Variants in ZBTB21 observed in about 807,000 individuals in gnomAD.
ZBTB21 encodes the protein zinc finger and BTB domain containing 21.
A neutral mutation model predicts 39.8 loss-of-function variants in ZBTB21; 10 were observed. That is an observed-to-expected ratio of 0.25 (90% confidence interval 0.16 to 0.43). ZBTB21 has a LOEUF of 0.43. Ranked by LOEUF, ZBTB21 falls within the 20% of genes least tolerant of loss-of-function variation. The pLI is 1.00. For missense variants in ZBTB21, 1,221 were observed against 1,296.3 expected, an observed-to-expected ratio of 0.94 and a Z score of 0.89; for synonymous variants, 551 against 498.8, an observed-to-expected ratio of 1.10 and a Z score of -1.40.
rs774777147 is a variant in ZBTB21 at position 41,988,589 on chromosome 21, T to C, written c.*2306A>G. On this transcript the variant is annotated 3_prime_UTR_variant, in exon 3 of 3. Transcript: ENST00000310826. ...ATAAACTCTTTCAGCCTAATGCTTT[T>C]AAAGTACAGTATAAAAAGTAATAGA... The C allele has an allele frequency of 6.6e-6, 1 of 152,188 alleles. No individual in the cohort carries two copies. Among genetic ancestry groups the C allele is most frequent in the African/African-American group, 2.4e-5 (1 of 41,450 alleles). The allele number at this position is 152,188 out of a possible 1,614,324, so 9.4% of individuals were successfully genotyped here. A position where few individuals can be genotyped will look rare whatever the true frequency, so the allele number is the denominator to read the frequency against.
At position 41,992,969 on chromosome 21, in the gene ZBTB21, A is replaced by C; in HGVS notation, c.1127T>G (p.Val376Gly). ...SSVSSDAPGNVLCALSQKSSL... is the reference protein window; with the variant it reads ...SSVSSDAPGNGLCALSQKSSL... ...TGACTTCTGAGATAAAGCACACAAC[A>C]CATTCCCTGGTGCATCACTGGACAC... Residue 376 changes from valine (V) to glycine (G), a missense_variant, in exon 3 of 3, where the codon GTG becomes GGG. Val to Gly is a moderately radical substitution (Grantham distance 109, BLOSUM62 -3). Transcript: ENST00000310826. This position sits in a 1 kb window ranked among gnomAD's most constrained non-coding sequence, Gnocchi z 4.1. The C allele has an allele frequency of 6.2e-7, 1 of 1,614,226 alleles. No individual in the cohort carries two copies. Among genetic ancestry groups the C allele is most frequent in the African/African-American group, 1.3e-5 (1 of 75,058 alleles).
intron 1 of ZBTB21, among the ~76,000 whole-genome samples, chr21:42,008,540 C>CAAAAAAAAAAAAAAAAAAAAAAAAAAA (rs68176203): frequency 1.7e-5 from 1 of 60,372 alleles, no homozygotes. Context: ...GAAACTCTGT[C>CAAAAAAAAAAAAAAAAAAAAAAAAAAA]AAAAAAAAAA....
chr21:42,005,342 T>G lies in ZBTB21; in HGVS notation c.-78-2381A>C, dbSNP rs139064508. ...ACCAAAGCCAAACCAATCAGAAACT[T>G]TGTCCTCGGAATATGAATCCTGAGA... On this transcript the variant is annotated intron_variant, in intron 1 of 2. Coordinates refer to ENST00000310826, the MANE Select transcript of ZBTB21 (RefSeq NM_001098402.2). 5.9e-5 allele frequency among the ~76,000 whole-genome samples: 9 copies of G among 152,306 alleles called. No homozygotes were observed. The East Asian group carries it at 1.7e-3, about 29-fold the overall frequency.
Position 41,992,625 on chromosome 21 carries a change from T to C in ZBTB21, c.1471A>G (p.Arg491Gly). 6.2e-7 allele frequency: 1 copy of C among 1,614,186 alleles called. No individual in the cohort carries two copies. The change falls in exon 3 of 3, where the codon AGA becomes GGA. Residue 491 changes from arginine to glycine, a missense_variant. Transcript: ENST00000310826. This position sits in a 1 kb window ranked among gnomAD's most constrained non-coding sequence, Gnocchi z 4.1. ...PAKRRFQADRRLPFKKLKVNE... is the reference protein window; with the variant it reads ...PAKRRFQADRGLPFKKLKVNE... ...ACCTTTAACTTCTTAAACGGCAATC[T>C]TCGGTCCGCTTGGAACCTCCTTTTT...
At position 41,991,819 on chromosome 21, in the gene ZBTB21, C is replaced by A. The variant is rs746565908; in HGVS notation, c.2277G>T (p.Ser759=). Residue 759 remains serine, a synonymous_variant, in exon 3 of 3, where the codon TCG becomes TCT. Transcript: ENST00000310826. This position sits in a 1 kb window ranked among gnomAD's most constrained non-coding sequence, Gnocchi z 4.9. ...VCPYCSLRFF[S]PELKQEHESK... ...TCTCGTGTTCTTGCTTCAGCTCGGGCGAGAAAAACCTGAGGCTGCAGTAAG... is the reference window on the plus strand; with the variant it reads ...TCTCGTGTTCTTGCTTCAGCTCGGGAGAGAAAAACCTGAGGCTGCAGTAAG... 3 of 1,614,172 alleles carry A rather than the reference C, an allele frequency of 1.9e-6. No homozygotes were observed. The highest frequency in any genetic ancestry group is 2.5e-6 in the Non-Finnish European group (3 of 1,180,048).
At position 41,993,692 on chromosome 21, in the gene ZBTB21, A is replaced by C; in HGVS notation, c.404T>G (p.Val135Gly). 1 of 1,614,026 alleles carries C rather than the reference A, an allele frequency of 6.2e-7. No homozygotes were observed. The highest frequency in any genetic ancestry group is 1.1e-5 in the South Asian group (1 of 91,044). ...ACTGTTTTCATCATCTTCTACAAAC[A>C]CTTTTTTTCTATTAGGACACGTTGG... ...PFPTCPNRKK[V>G]FVEDDENSSQ... is the part of the protein sequence containing the mutation. Residue 135 changes from valine (V) to glycine (G), a missense_variant, in exon 3 of 3, where the codon GTG becomes GGG. Physicochemically the swap from Val to Gly is moderately radical, Grantham distance 109. This residue lies in a region of ZBTB21 where 500 missense variants were observed against 465.6 expected (regional missense o/e 1.07). Coordinates refer to ENST00000310826, the MANE Select transcript of ZBTB21 (RefSeq NM_001098402.2).
rs147318145 is a variant in ZBTB21, at chr21:41,993,049, C to T, written c.1047G>A (p.Gln349=). The T allele has an allele frequency of 0.028, 45,974 of 1,614,212 alleles. 839 individuals are homozygous for T. The highest frequency in any genetic ancestry group is 0.034 in the Non-Finnish European group (40,080 of 1,180,026). The stretch of plus-strand genomic sequence containing the variant: ...CTATGGAAGGTGAATAGACAGGAAC[C>T]TGGCTATCCATCGACAATGACCGTC... ...LLRRSLSMDS[Q]VPVYSPSIDL... The change falls in exon 3 of 3, where the codon CAG becomes CAA. Residue 349 remains glutamine, a synonymous_variant. Coordinates refer to ENST00000310826, the MANE Select transcript of ZBTB21 (RefSeq NM_001098402.2).
rs907348239 is a variant in ZBTB21 at position 41,991,728 on chromosome 21, T to C, written c.2368A>G (p.Ile790Val). Residue 790 changes from isoleucine (I) to valine (V), a missense_variant, in exon 3 of 3, where the codon ATC (isoleucine) becomes GTC (valine). By Grantham distance (29) the Ile-to-Val change is conservative (BLOSUM62 3). Coordinates refer to ENST00000310826, the MANE Select transcript of ZBTB21 (RefSeq NM_001098402.2). This position sits in a 1 kb window ranked among gnomAD's most constrained non-coding sequence, Gnocchi z 4.9. ...TGGACTTCAACCTGGTGCCGCCAGA[T>C]GCTGAAAGAGGACTTGAAGGTGCGC... The part of the protein sequence containing the change: ...CMRTFKSSFS[I>V]WRHQVEVHNQ... 1.9e-6 allele frequency: 3 copies of C among 1,614,120 alleles called. No individual in the cohort carries two copies. Among genetic ancestry groups the C allele is most frequent in the African/African-American group, 1.3e-5 (1 of 74,940 alleles).
At position 41,988,229 on chromosome 21, in the gene ZBTB21, CT is replaced by C. The variant is rs2146264057; in HGVS notation, c.*2665del. On this transcript the variant is annotated 3_prime_UTR_variant, in exon 3 of 3. Transcript: ENST00000310826. Reference sequence around the variant, plus strand: ...CACATAAACGATTCAGTATCAAGTTCTCAGATTAACAAAGAATATATTAAAA... The same window carrying C: ...CACATAAACGATTCAGTATCAAGTTCCAGATTAACAAAGAATATATTAAAA... The C allele has an allele frequency of 6.6e-6, 1 of 152,214 alleles. No homozygotes were observed. Among genetic ancestry groups the C allele is most frequent in the African/African-American group, 2.4e-5 (1 of 41,528 alleles). The allele number at this position is 152,214 out of a possible 1,614,324, so 9.4% of individuals were successfully genotyped here.
At position 42,005,781 on chromosome 21, in the gene ZBTB21, GATTT is replaced by G. The variant is rs961905242; in HGVS notation, c.-78-2824_-78-2821del. Among the ~76,000 whole-genome samples, 95 of 152,302 alleles carry G rather than the reference GATTT, an allele frequency of 6.2e-4. 1 individual carries two copies. Among genetic ancestry groups the G allele is most frequent in the Middle Eastern group, 3.4e-3 (1 of 294 alleles). ...TCCAATTCTGTACAAGGCATGGTTA[GATTT>G]ATCTGAAATATAGGGGTGCACCAAA... On this transcript the variant is annotated intron_variant, in intron 1 of 2. Transcript: ENST00000310826.
Position 41,991,252 on chromosome 21 carries a change from A to G in ZBTB21, c.2844T>C (p.Thr948=), listed in dbSNP as rs1291088934. ...ICHVCNKAFR[T]NFRLWSHFQS... The stretch of plus-strand genomic sequence containing the variant: ...GGAAGTGACTCCAGAGTCGAAAATT[A>G]GTGCGAAAAGCTTTGTTGCACACGT... The change falls in exon 3 of 3, where the codon ACT becomes ACC. Residue 948 remains threonine (T), a synonymous_variant. Transcript: ENST00000310826. This position sits in a 1 kb window ranked among gnomAD's most constrained non-coding sequence, Gnocchi z 4.9. The G allele has an allele frequency of 3.1e-6, 5 of 1,614,080 alleles. No homozygotes were observed. Among genetic ancestry groups the G allele is most frequent in the Non-Finnish European group, 4.2e-6 (5 of 1,180,042 alleles).
At chr21:42,009,857 C>T (rs1221180774) in intron 1 of ZBTB21, among the ~76,000 whole-genome samples, 4 of 152,162 alleles carry the variant, frequency 2.6e-5, no homozygotes, top group African/African-American at 7.2e-5. Flanking sequence ...GGAGAACGCG[C>T]CCTTCTCCAC....
rs1355815471 is a variant in ZBTB21, at chr21:41,987,468, T to TA, written c.*3426dup. 2 of 152,196 alleles carry TA rather than the reference T, an allele frequency of 1.3e-5. No homozygotes were observed. Among genetic ancestry groups the TA allele is most frequent in the Non-Finnish European group, 1.5e-5 (1 of 68,024 alleles). 9.4% of individuals were successfully genotyped at this position (152,196 alleles called of 1,614,324 possible). A position where few individuals can be genotyped will look rare whatever the true frequency, so the allele number is the denominator to read the frequency against. ...AAATGAAAACCTATTTTTTAAAACT[T>TA]AAAGTTTAGTAGTCAGTGTTAAAGA... On this transcript the variant is annotated 3_prime_UTR_variant, in exon 3 of 3. Coordinates refer to ENST00000310826, the MANE Select transcript of ZBTB21 (RefSeq NM_001098402.2).
rs780865974 is a variant in ZBTB21, at chr21:41,989,391, T to C, written c.*1504A>G. 6 of 152,160 alleles carry C rather than the reference T, an allele frequency of 3.9e-5. No individual in the cohort carries two copies. The highest frequency in any genetic ancestry group is 6.5e-5 in the Admixed American group (1 of 15,278). The allele number at this position is 152,160 out of a possible 1,614,324, so 9.4% of individuals were successfully genotyped here. On this transcript the variant is annotated 3_prime_UTR_variant, in exon 3 of 3. Coordinates refer to ENST00000310826, the MANE Select transcript of ZBTB21 (RefSeq NM_001098402.2). ...GCACAAATCTAAAATTATTTCTTAATGACAGTAGTTGGCTTTTAAAAAAAA... is the reference window on the plus strand; with the variant it reads ...GCACAAATCTAAAATTATTTCTTAACGACAGTAGTTGGCTTTTAAAAAAAA...
At chr21:42,007,763 G>A (rs1310831487) in intron 1 of ZBTB21, 1 of 152,232 alleles carries the variant, frequency 6.6e-6, no homozygotes, top group Non-Finnish European at 1.5e-5. Flanking sequence ...GGCAAGCTAG[G>A]TACAGGGCAA....
Position 41,993,170 on chromosome 21 carries a change from TACA to T in ZBTB21, c.923_925del (p.Leu308del), listed in dbSNP as rs756874254. 44 of 1,613,788 alleles carry T rather than the reference TACA, an allele frequency of 2.7e-5. No homozygotes were observed. The highest frequency in any genetic ancestry group is 9.9e-5 in the South Asian group (9 of 91,088). ...GATCACTAAGCCTAACTTTGAATAGTACAACAAGTTTCTATCTTCACCTTGACC... is the reference window on the plus strand; with the variant it reads ...GATCACTAAGCCTAACTTTGAATAGTACAAGTTTCTATCTTCACCTTGACC... On this transcript the variant is annotated inframe_deletion, in exon 3 of 3. Coordinates refer to ENST00000310826, the MANE Select transcript of ZBTB21 (RefSeq NM_001098402.2).
chr21:41,993,537 TG>T lies in ZBTB21; in HGVS notation c.558del (p.Asn187IlefsTer9). On this transcript the variant is annotated frameshift_variant, in exon 3 of 3. Coordinates refer to ENST00000310826, the MANE Select transcript of ZBTB21 (RefSeq NM_001098402.2). LOFTEE classifies it low-confidence loss of function (END_TRUNC). The part of the protein sequence containing the change: ...PSPSIAVKAN[T>X]NKPHVPKPIE... Reference sequence around the variant, plus strand: ...ATTGGTTTTGGGACATGTGGCTTATTGGTATTGGCCTTGACTGCAATGCTAG... The same window carrying T: ...ATTGGTTTTGGGACATGTGGCTTATTGTATTGGCCTTGACTGCAATGCTAG... The T allele has an allele frequency of 6.2e-7, 1 of 1,614,202 alleles. No individual in the cohort carries two copies. The highest frequency in any genetic ancestry group is 8.5e-7 in the Non-Finnish European group (1 of 1,180,034).
At chr21:42,009,716 C>T (rs969781247) in intron 1 of ZBTB21, 1 of 152,520 alleles carries the variant, frequency 6.6e-6, no homozygotes, top group Non-Finnish European at 1.5e-5. Flanking sequence ...GAGGACGGGG[C>T]GGCGGGGCTA....
Position 41,993,239 on chromosome 21 carries a change from G to A in ZBTB21, c.857C>T (p.Ser286Leu). The A allele has an allele frequency of 6.2e-7, 1 of 1,611,668 alleles. No individual in the cohort carries two copies. Among genetic ancestry groups the A allele is most frequent in the Non-Finnish European group, 8.5e-7 (1 of 1,180,030 alleles). ...TTCTTTTAATAGATAGGGAGTCTCT[G>A]ATGAGCTACAAACAGACAAAACAGG... ...RPPVLSVCSS[S>L]ETPYLLKETN... The change falls in exon 3 of 3, where the codon TCA becomes TTA. Residue 286 changes from serine to leucine, a missense_variant. By Grantham distance (145) the Ser-to-Leu change is moderately radical (BLOSUM62 -2). Coordinates refer to ENST00000310826, the MANE Select transcript of ZBTB21 (RefSeq NM_001098402.2).
Sources: allele counts gnomAD v4.1 joint callset (sites outside exome capture counted in the v4.1 genomes callset), GRCh38; gene constraint gnomAD v4.1.1; regional missense constraint gnomAD v4.1.1; non-coding constraint Gnocchi (gnomAD v3.1); transcripts MANE v1.5; gene names NCBI Gene and HGNC (gene_info 2026-07-23, HGNC 2026-07-21).